Variants in ENTREP1 observed in about 807,000 individuals in gnomAD.
The protein encoded by ENTREP1 is endosomal transmembrane epsin interactor 1, also known as Friedreich ataxia region gene X123.
chr9:69,371,348 G>GA, the ENTREP1 span: 128 of 741,872 alleles, frequency 1.7e-4, no homozygotes, highest in African/African-American at 2.1e-3. Context: ...TCTAAAATGT[G>GA]AAAAAAAGTT....
the ENTREP1 span, among the ~76,000 whole-genome samples, chr9:69,389,822 A>G: frequency 1.3e-5 from 2 of 152,224 alleles, no homozygotes; most frequent in African/African-American, 2.4e-5. Context: ...ACTAGATGCT[A>G]TCATCACAAA....
chr9:69,388,318 G>A, the ENTREP1 span: 341 of 1,614,142 alleles, frequency 2.1e-4, 3 homozygotes, highest in South Asian at 3.0e-3. Context: ...TGCTGGTGGC[G>A]AGGTTCCTGG....
chr9:69,335,323 C>T, the ENTREP1 span, among the ~76,000 whole-genome samples: 4 of 152,174 alleles, frequency 2.6e-5, no homozygotes, highest in African/African-American at 9.7e-5. Flanking sequence ...GTGCAGAGGG[C>T]TTCCATGAGT....
the ENTREP1 span, among the ~76,000 whole-genome samples, chr9:69,376,738 T>C: frequency 1.3e-5 from 2 of 152,184 alleles, no homozygotes; most frequent in Non-Finnish European, 2.9e-5. Context: ...CCCCCAAACT[T>C]TCTGAGCCAG....
the ENTREP1 span, among the ~76,000 whole-genome samples, chr9:69,342,692 A>G: frequency 2.0e-5 from 3 of 152,246 alleles, no homozygotes; most frequent in African/African-American, 7.2e-5. Context: ...CACATTATGA[A>G]TTATTTTTTA....
At chr9:69,384,190 T>C in the ENTREP1 span, among the ~76,000 whole-genome samples, 1 of 135,830 alleles carries the variant, frequency 7.4e-6, no homozygotes, top group Non-Finnish European at 1.6e-5. Flanking sequence ...AGAGACCCTA[T>C]TTCTACAAAC....
At chr9:69,343,300 CTG>C in the ENTREP1 span, among the ~76,000 whole-genome samples, 1 of 152,210 alleles carries the variant, frequency 6.6e-6, no homozygotes, top group Non-Finnish European at 1.5e-5. Context: ...TTGAATACCA[CTG>C]TGGATTCCTT....
chr9:69,391,487 T>C, the ENTREP1 span: 14 of 832,348 alleles, frequency 1.7e-5, no homozygotes, highest in African/African-American at 1.7e-5. Context: ...CTTTTTTTTT[T>C]CTTTTTCAAA....
the ENTREP1 span, among the ~76,000 whole-genome samples, chr9:69,357,675 GGAGCTCCT>G: frequency 3.3e-5 from 5 of 152,140 alleles, no homozygotes; most frequent in Non-Finnish European, 5.9e-5. Context: ...AGTGCATGTG[GGAGCTCCT>G]GAAATAGGTT....
chr9:69,367,680 A>AAAT, the ENTREP1 span, among the ~76,000 whole-genome samples: 13 of 47,350 alleles, frequency 2.7e-4, no homozygotes, highest in East Asian at 1.1e-3. Context: ...CACATATATA[A>AAAT]ATATATATAT....
the ENTREP1 span, chr9:69,329,283 G>A: frequency 1.2e-6 from 1 of 837,716 alleles, no homozygotes; most frequent in Non-Finnish European, 1.4e-6. Flanking sequence ...TGAAAATTTT[G>A]CTTGTGTATT....
the ENTREP1 span, chr9:69,380,284 A>G: frequency 6.6e-6 from 1 of 152,252 alleles, no homozygotes; most frequent in Non-Finnish European, 1.5e-5. Context: ...ATATTTCACA[A>G]TGTGACCAAC....
chr9:69,340,779 G>GTGTGTA, the ENTREP1 span, among the ~76,000 whole-genome samples: 3 of 145,504 alleles, frequency 2.1e-5, no homozygotes, highest in Admixed American at 6.8e-5. Context: ...GTGTGTGTAT[G>GTGTGTA]TGTGTGTGCA....
the ENTREP1 span, among the ~76,000 whole-genome samples, chr9:69,339,482 A>T: frequency 6.6e-6 from 1 of 152,156 alleles, no homozygotes; most frequent in Admixed American, 6.5e-5. Context: ...TCTTTTTGGC[A>T]CAGAGGGGAT....
chr9:69,340,655 G>GTGTGTGTGTGTA, the ENTREP1 span, among the ~76,000 whole-genome samples: 1 of 110,860 alleles, frequency 9.0e-6, no homozygotes, highest in Non-Finnish European at 1.9e-5. Context: ...GTGTGTGCAT[G>GTGTGTGTGTGTA]TGTGTGTGTG....
chr9:69,336,255 C>T, the ENTREP1 span: 2 of 1,587,286 alleles, frequency 1.3e-6, no homozygotes, highest in Non-Finnish European at 1.7e-6. Flanking sequence ...TTGGAAAAGG[C>T]CTATGATACT....
the ENTREP1 span, chr9:69,388,031 A>T: frequency 1.3e-6 from 2 of 1,576,960 alleles, no homozygotes; most frequent in Non-Finnish European, 1.7e-6. Context: ...GAAAAGCAGG[A>T]TGTGCATGGC....
chr9:69,345,976 CA>C, the ENTREP1 span, among the ~76,000 whole-genome samples: 1 of 151,918 alleles, frequency 6.6e-6, no homozygotes, highest in Non-Finnish European at 1.5e-5. Context: ...TTATACTCCA[CA>C]CAAATAACAC....
chr9:69,355,581 G>A, the ENTREP1 span, among the ~76,000 whole-genome samples: 1 of 152,184 alleles, frequency 6.6e-6, no homozygotes, highest in Non-Finnish European at 1.5e-5. Context: ...AATTATCCAT[G>A]ACTGACTGCA....
Sources: gnomAD v4.1 joint callset for allele counts (sites outside exome capture counted in the v4.1 genomes callset) on GRCh38, gnomAD v4.1.1 for gene constraint, MANE v1.5 for transcripts, NCBI Gene and HGNC (gene_info 2026-07-23, HGNC 2026-07-21) for gene names.